Variants in ARL15 observed in about 807,000 individuals in gnomAD.
ARL15 encodes the protein ARF like GTPase 15, also known as ADP-ribosylation factor-like protein 15.
ARL15 carries 19 observed loss-of-function variants against 25.2 expected under a neutral mutation model. The observed-to-expected ratio is 0.75, with a 90% CI of 0.53 to 1.10. The LOEUF (loss-of-function observed/expected upper bound fraction) is 1.10. ARL15 is among the 50% of genes least tolerant of loss of function. ARL15 has a pLI of 0.00. For synonymous variants in ARL15, 94 were observed against 86.8 expected (o/e 1.08, Z -0.46); for missense variants, 220 against 246.0 (o/e 0.89, Z 0.71).
chr5:54,245,576 G>A (rs1285947125), intron 1 of ARL15, among the ~76,000 whole-genome samples: 1 of 151,972 alleles, frequency 6.6e-6, no homozygotes, highest in Non-Finnish European at 1.5e-5. Flanking sequence ...CTTGCTCTGT[G>A]AAATCAGGAT....
intron 4 of ARL15, among the ~76,000 whole-genome samples, chr5:53,956,438 A>T (rs1384826126): frequency 1.3e-5 from 2 of 149,282 alleles, no homozygotes; most frequent in Admixed American, 6.6e-5. Context: ...CCATTCACAA[A>T]AGACCATACT....
At chr5:54,045,864 CAG>C (rs1029076077) in intron 4 of ARL15, among the ~76,000 whole-genome samples, 4 of 152,194 alleles carry the variant, frequency 2.6e-5, no homozygotes, top group Admixed American at 1.3e-4. Flanking sequence ...ATGCTAAAAA[CAG>C]AATAAAAGAG....
intron 1 of ARL15, among the ~76,000 whole-genome samples, chr5:54,285,121 T>A (rs775122448): frequency 5.0e-4 from 76 of 152,320 alleles, no homozygotes; most frequent in Middle Eastern, 3.4e-3. Flanking sequence ...GCCTCTACAG[T>A]AATATTCATA....
chr5:54,119,962 C>T (rs1753023211), intron 3 of ARL15, among the ~76,000 whole-genome samples: 1 of 152,166 alleles, frequency 6.6e-6, no homozygotes, highest in South Asian at 2.1e-4. Flanking sequence ...GCATAGTAAT[C>T]TAAATGCATA....
At chr5:54,221,096 A>G (rs959736478) in intron 1 of ARL15, among the ~76,000 whole-genome samples, 1 of 152,188 alleles carries the variant, frequency 6.6e-6, no homozygotes. Flanking sequence ...TTTATCTTCA[A>G]TCTGTATCAC....
intron 3 of ARL15, 65 bp from the exon 4 acceptor site, chr5:54,113,475 C>T: frequency 6.8e-7 from 1 of 1,471,690 alleles, no homozygotes. Flanking sequence ...ATGTTCCCAA[C>T]AGTAATTCCT....
chr5:54,212,835 G>T (rs934092547), intron 1 of ARL15, among the ~76,000 whole-genome samples: 1 of 152,124 alleles, frequency 6.6e-6, no homozygotes, highest in African/African-American at 2.4e-5. Context: ...TGATTTAATG[G>T]GGGGGAGATG....
intron 4 of ARL15, among the ~76,000 whole-genome samples, chr5:53,979,722 A>G (rs1024200078): frequency 6.6e-6 from 1 of 152,150 alleles, no homozygotes; most frequent in African/African-American, 2.4e-5. Flanking sequence ...TAAGTGACTG[A>G]CACATAAAAC....
At chr5:54,201,269 C>G (rs771314187) in intron 1 of ARL15, among the ~76,000 whole-genome samples, 1 of 152,016 alleles carries the variant, frequency 6.6e-6, no homozygotes, top group Non-Finnish European at 1.5e-5. Flanking sequence ...CTACCCCACA[C>G]GCTCCTCACC....
chr5:54,071,332 TGA>T (rs1751411685), intron 4 of ARL15, among the ~76,000 whole-genome samples: 3 of 152,010 alleles, frequency 2.0e-5, no homozygotes, highest in Non-Finnish European at 2.9e-5. Context: ...TTAGAAAAAA[TGA>T]TGAGAAGCCT....
chr5:54,041,867 T>C (rs1038678787), intron 4 of ARL15, among the ~76,000 whole-genome samples: 3 of 152,186 alleles, frequency 2.0e-5, no homozygotes, highest in Admixed American at 2.0e-4. Context: ...TATGTAGCTA[T>C]GTATAAATAT....
chr5:54,190,644 G>A (rs192233588), intron 1 of ARL15, among the ~76,000 whole-genome samples: 1 of 152,202 alleles, frequency 6.6e-6, no homozygotes, highest in East Asian at 1.9e-4. Flanking sequence ...TTGGATAAAG[G>A]TATTAATCCC....
At chr5:54,268,070 T>C (rs1414290214) in intron 1 of ARL15, among the ~76,000 whole-genome samples, 13 of 151,628 alleles carry the variant, frequency 8.6e-5, no homozygotes, top group African/African-American at 2.9e-4. Flanking sequence ...TGTTTTCCAA[T>C]TTGGTTCCAT....
chr5:53,921,437 CATTA>C (rs1745858818), intron 4 of ARL15, among the ~76,000 whole-genome samples: 2 of 152,134 alleles, frequency 1.3e-5, no homozygotes, highest in South Asian at 2.1e-4. Context: ...TTTATTTTCC[CATTA>C]ATTATGTGGA....
At chr5:53,957,594 G>A (rs1345957568) in intron 4 of ARL15, among the ~76,000 whole-genome samples, 2 of 152,094 alleles carry the variant, frequency 1.3e-5, no homozygotes, top group Non-Finnish European at 1.5e-5. Flanking sequence ...CCAGCACTTT[G>A]GGTGAATTGC....
Position 54,113,230 on chromosome 5 carries a change from T to A in ARL15, c.434A>T (p.Asp145Val). Residue 145 changes from aspartate to valine, a missense_variant, in exon 4 of 5, where the codon GAC becomes GTC. Physicochemically the swap from Asp to Val is radical, Grantham distance 152. Coordinates refer to ENST00000504924, the MANE Select transcript of ARL15 (RefSeq NM_019087.3). Reference sequence around the variant, plus strand: ...TTGTACTGAGCGAGCTGCTGGCTTGTCTTGATGATTGGCCAATATTAAAAA... The same window carrying A: ...TTGTACTGAGCGAGCTGCTGGCTTGACTTGATGATTGGCCAATATTAAAAA... ...LPFLILANHQ[D>V]KPAARSVQEI... is the part of the protein sequence containing the mutation. 1 of 1,613,790 alleles carries A rather than the reference T, an allele frequency of 6.2e-7. No individual in the cohort carries two copies. Among genetic ancestry groups the A allele is most frequent in the Non-Finnish European group, 8.5e-7 (1 of 1,179,854 alleles).
At chr5:54,121,615 G>T (rs1281331107) in intron 3 of ARL15, among the ~76,000 whole-genome samples, 1 of 152,070 alleles carries the variant, frequency 6.6e-6, no homozygotes, top group Non-Finnish European at 1.5e-5. Context: ...ATTTTTTTGA[G>T]AATTCAGTAC....
At chr5:54,203,474 A>G (rs1029888093) in intron 1 of ARL15, among the ~76,000 whole-genome samples, 1 of 152,164 alleles carries the variant, frequency 6.6e-6, no homozygotes, top group African/African-American at 2.4e-5. Context: ...ATTTAACACT[A>G]TTTGATGTCT....
chr5:54,164,245 T>G (rs891941898), intron 2 of ARL15, among the ~76,000 whole-genome samples: 4 of 152,064 alleles, frequency 2.6e-5, no homozygotes, highest in African/African-American at 7.2e-5. Context: ...GGATATAACT[T>G]GAAGCCACTT....
Sources: allele counts gnomAD v4.1 joint callset (sites outside exome capture counted in the v4.1 genomes callset), GRCh38; gene constraint gnomAD v4.1.1; transcripts MANE v1.5; gene names NCBI Gene and HGNC (gene_info 2026-07-23, HGNC 2026-07-21).